Variants in PGAP2 observed in about 807,000 individuals in gnomAD.
PGAP2 encodes the protein acyltransferase PGAP2.
Under a neutral mutation model 33.2 loss-of-function variants are expected in PGAP2, and 21 were observed. That is an observed-to-expected ratio of 0.63 (90% CI 0.45 to 0.91). The LOEUF (loss-of-function observed/expected upper bound fraction) is 0.91. PGAP2 is among the 40% of genes least tolerant of loss of function. The probability of loss-of-function intolerance (pLI) is 0.00; values close to 1 mark genes in which losing one functional copy is unlikely to be tolerated. For missense variants in PGAP2, 345 were observed against 424.0 expected (o/e 0.81, Z 1.64); for synonymous variants, 161 against 172.9 (o/e 0.93, Z 0.54).
At chr11:3,808,289 AACAGGTAG>A, upstream of PGAP2, 1 of 1,551,484 alleles carries the variant, frequency 6.4e-7, no homozygotes, top group Non-Finnish European at 8.7e-7. Flanking sequence ...GTGTTCTTTC[AACAGGTAG>A]ATGGAACGCA....
chr11:3,801,586 G>A (rs1442805340), intron 1 of PGAP2, among the ~76,000 whole-genome samples: 7 of 140,728 alleles, frequency 5.0e-5, no homozygotes, highest in African/African-American at 1.8e-4. Flanking sequence ...AGCTTGCAGT[G>A]AGCAGAGATC....
At chr11:3,806,914 G>A (rs1426341400), upstream of PGAP2, among the ~76,000 whole-genome samples, 2 of 151,966 alleles carry the variant, frequency 1.3e-5, no homozygotes, top group East Asian at 3.9e-4. Flanking sequence ...CCAGCTACCC[G>A]GGAGGCTGAG....
intron 2 of PGAP2, among the ~76,000 whole-genome samples, chr11:3,814,199 C>T (rs114091577): frequency 9.7e-4 from 148 of 152,304 alleles, no homozygotes; most frequent in African/African-American, 3.5e-3. Flanking sequence ...TCCTTCCTCC[C>T]CAGGTAGCCT....
rs189536763 is a variant in PGAP2, at chr11:3,803,264, A to G, written c.140-5030A>G. On this transcript the variant is annotated intron_variant, in intron 1 of 6. Transcript: ENST00000300730. ...CACCTCGGCCTCCCAAAGTGCTGGG[A>G]TTACAGGCGTGAGCCACCACACCCG... Among the ~76,000 whole-genome samples, 743 of 150,632 alleles carry G rather than the reference A, an allele frequency of 4.9e-3. 9 individuals carry two copies. Among genetic ancestry groups the G allele is most frequent in the African/African-American group, 0.017 (716 of 40,994 alleles).
Position 3,815,120 on chromosome 11 carries a change from GGA to G in PGAP2, c.166-2228_166-2227del, listed in dbSNP as rs1413685418. Among the ~76,000 whole-genome samples, 5 of 151,640 alleles carry G rather than the reference GGA, an allele frequency of 3.3e-5. No homozygotes were observed. The East Asian group carries it at 9.7e-4, about 29-fold the overall frequency. ...GCCTGGCTCATTTTTTGTATTTTTA[GGA>G]GAGATGGGGTTTCACTATGCTGGCC... On this transcript the variant is annotated intron_variant, in intron 2 of 6. Coordinates refer to ENST00000278243, the MANE Select transcript of PGAP2 (RefSeq NM_014489.4).
At chr11:3,822,087 G>A (rs1290525620) in intron 3 of PGAP2, among the ~76,000 whole-genome samples, 2 of 151,544 alleles carry the variant, frequency 1.3e-5, no homozygotes, top group Admixed American at 6.6e-5. Context: ...CAAAACGGCC[G>A]GGCGCAGTGG....
Position 3,811,547 on chromosome 11 carries a change from G to T in PGAP2, c.165+123G>T. On this transcript the variant is annotated intron_variant, in intron 2 of 6. Transcript: ENST00000278243. This position sits in a 1 kb window ranked among gnomAD's most constrained non-coding sequence, Gnocchi z 4.6. ...GGCCCATCAAACATACGGGGCTGCT[G>T]GGGGGATGCCTGCAAATTGAAATCT... is the stretch of plus-strand genomic sequence containing the variant. 1 of 905,296 alleles carries T rather than the reference G, an allele frequency of 1.1e-6. No individual in the cohort carries two copies. Among genetic ancestry groups the T allele is most frequent in the South Asian group, 1.8e-5 (1 of 54,716 alleles). 56.1% of individuals were successfully genotyped at this position (905,296 alleles called of 1,614,324 possible).
intron 5 of PGAP2, 180 bp from the exon 6 acceptor site, chr11:3,824,840 C>T: frequency 6.9e-7 from 1 of 1,440,274 alleles, no homozygotes; most frequent in Non-Finnish European, 9.1e-7. Context: ...ATCACTCCCC[C>T]AGAGGCAGGG....
chr11:3,797,764 G>A (rs1326849730), upstream of PGAP2: 7 of 1,506,770 alleles, frequency 4.6e-6, no homozygotes, highest in Non-Finnish European at 6.3e-6. Context: ...TGAGAGGGCC[G>A]TGGAGTCCCG....
chr11:3,817,563 T>A (rs1427544193), intron 3 of PGAP2, 28 bp downstream of exon 3: 2 of 1,599,386 alleles, frequency 1.3e-6, no homozygotes, highest in African/African-American at 2.7e-5. Flanking sequence ...AGCCCCTGGG[T>A]CAGGGCCAGG....
chr11:3,798,903 A>T (rs900964826), intron 1 of PGAP2, among the ~76,000 whole-genome samples: 1 of 152,108 alleles, frequency 6.6e-6, no homozygotes, highest in Non-Finnish European at 1.5e-5. Flanking sequence ...TCGGCCTCCC[A>T]CAGTGCTGGC....
chr11:3,824,447 C>T (rs767937590), intron 5 of PGAP2, 71 bp downstream of exon 5: 28 of 1,612,088 alleles, frequency 1.7e-5, no homozygotes, highest in Admixed American at 1.2e-4. Context: ...CCTCAGGATT[C>T]GGGTAATGGT....
At position 3,817,492 on chromosome 11, in the gene PGAP2, C is replaced by T; in HGVS notation, c.305C>T (p.Ser102Phe). ...GGCTTCTTCTTCTGCATCATCTGGTCCCTGGTGTTCCACTTTGAGTACACG... is the reference window on the plus strand; with the variant it reads ...GGCTTCTTCTTCTGCATCATCTGGTTCCTGGTGTTCCACTTTGAGTACACG... ...VFGFFFCIIW[S>F]LVFHFEYTVA... Residue 102 changes from serine to phenylalanine, a missense_variant, in exon 3 of 7, where the codon TCC becomes TTC. Ser to Phe is a radical substitution (Grantham distance 155, BLOSUM62 -2). This residue lies in a region of PGAP2 where 311 missense variants were observed against 353.6 expected (regional missense o/e 0.88). Transcript: ENST00000278243. The T allele has an allele frequency of 6.2e-7, 1 of 1,614,144 alleles. No individual in the cohort carries two copies. Among genetic ancestry groups the T allele is most frequent in the Non-Finnish European group, 8.5e-7 (1 of 1,180,020 alleles).
chr11:3,803,765 C>T (rs2083856806), upstream of PGAP2, among the ~76,000 whole-genome samples: 1 of 149,534 alleles, frequency 6.7e-6, no homozygotes, highest in South Asian at 2.1e-4. Flanking sequence ...TAGTCTAATG[C>T]ATTTAACGAA....
upstream of PGAP2, chr11:3,808,314 A>G (rs1180385964): frequency 6.4e-7 from 1 of 1,551,494 alleles, no homozygotes; most frequent in South Asian, 1.2e-5. Context: ...CGCAGCTGAG[A>G]GGTAAGGCGA....
At chr11:3,800,975 A>G (rs2083359930) in intron 1 of PGAP2, among the ~76,000 whole-genome samples, 1 of 147,502 alleles carries the variant, frequency 6.8e-6, no homozygotes, top group Non-Finnish European at 1.5e-5. Flanking sequence ...TCTACTAAAT[A>G]TACAAAAAAT....
intron 3 of PGAP2, among the ~76,000 whole-genome samples, chr11:3,820,038 G>C (rs2088153778): frequency 6.6e-6 from 1 of 152,104 alleles, no homozygotes; most frequent in East Asian, 1.9e-4. Flanking sequence ...CAGTGGTCAG[G>C]GTTCAGGGCC....
intron 2 of PGAP2, among the ~76,000 whole-genome samples, chr11:3,817,113 C>T (rs1185816563): frequency 6.6e-6 from 1 of 152,150 alleles, no homozygotes; most frequent in Non-Finnish European, 1.5e-5. Context: ...AGAGGTGGAC[C>T]TAGAGTATCA....
chr11:3,808,422 A>G, upstream of PGAP2: 1 of 1,544,500 alleles, frequency 6.5e-7, no homozygotes, highest in Middle Eastern at 2.0e-4. Flanking sequence ...CGGGCTGTAA[A>G]GCATGGTTTG....
Sources: allele counts gnomAD v4.1 joint callset (sites outside exome capture counted in the v4.1 genomes callset), GRCh38; gene constraint gnomAD v4.1.1; regional missense constraint gnomAD v4.1.1; non-coding constraint Gnocchi (gnomAD v3.1); transcripts MANE v1.5; gene names NCBI Gene and HGNC (gene_info 2026-07-23, HGNC 2026-07-21).